Variants in INPP5K observed in about 807,000 individuals in gnomAD.
INPP5K encodes inositol polyphosphate-5-phosphatase K.
A neutral mutation model predicts 53.5 loss-of-function variants in INPP5K; 35 were observed. That is an observed-to-expected ratio of 0.65 (90% CI 0.50 to 0.87). The LOEUF is 0.87. Among genes scored for constraint, INPP5K ranks in the 40% least tolerant of loss-of-function variants. INPP5K has a pLI of 0.00. For synonymous variants in INPP5K, 253 were observed against 232.8 expected (o/e 1.09, Z -0.79); for missense variants, 550 against 586.2 (o/e 0.94, Z 0.64).
intron 1 of INPP5K, chr17:1,515,430 T>C (rs1162871471): frequency 1.0e-6 from 1 of 985,382 alleles, no homozygotes; most frequent in African/African-American, 1.7e-5. Context: ...GACCTACAGA[T>C]GTCTTTAGTG....
chr17:1,496,112 CAG>C lies in INPP5K; in HGVS notation c.1236_1237del (p.Cys413LeufsTer30), dbSNP rs745898635. Reference sequence around the variant, plus strand: ...AGAACGCAGACTGTTGCTGTAGTAACAGAGGAGAAACTCATCTTCAGTGGTAG... The same window carrying C: ...AGAACGCAGACTGTTGCTGTAGTAACAGGAGAAACTCATCTTCAGTGGTAG... On this transcript the variant is annotated frameshift_variant, in exon 11 of 12. Transcript: ENST00000421807. LOFTEE classifies it high-confidence loss of function. 2 of 1,613,692 alleles carry C rather than the reference CAG, an allele frequency of 1.2e-6. No individual in the cohort carries two copies. The highest frequency in any genetic ancestry group is 8.5e-7 in the Non-Finnish European group (1 of 1,179,612).
intron 7 of INPP5K, among the ~76,000 whole-genome samples, chr17:1,503,153 T>C (rs112040320): frequency 0.049 from 7,461 of 150,896 alleles, 230 homozygotes; most frequent in Non-Finnish European, 0.073. Context: ...CCCAAATTGC[T>C]GGGTTTAGAG....
intron 7 of INPP5K, among the ~76,000 whole-genome samples, chr17:1,502,059 C>T (rs2075030237): frequency 7.2e-6 from 1 of 138,868 alleles, no homozygotes; most frequent in Non-Finnish European, 1.6e-5. Flanking sequence ...AAAAAACAAA[C>T]AAACATAGGG....
chr17:1,498,567 C>A (rs938399341), intron 7 of INPP5K, among the ~76,000 whole-genome samples: 1 of 152,096 alleles, frequency 6.6e-6, no homozygotes, highest in African/African-American at 2.4e-5. Context: ...CCAGAGGATG[C>A]CTGTGATCAG....
intron 7 of INPP5K, among the ~76,000 whole-genome samples, chr17:1,503,948 C>T (rs767705865): frequency 5.9e-5 from 9 of 152,174 alleles, no homozygotes; most frequent in Admixed American, 1.3e-4. Context: ...AGGTTCCTCT[C>T]GTCAGTGTGC....
intron 7 of INPP5K, among the ~76,000 whole-genome samples, chr17:1,500,796 A>G (rs2074992107): frequency 6.6e-6 from 1 of 152,170 alleles, no homozygotes. Context: ...TATCCTCAGC[A>G]TTAGCACAGA....
chr17:1,508,601 C>T (rs1009487361), intron 5 of INPP5K: 5 of 301,266 alleles, frequency 1.7e-5, no homozygotes, highest in African/African-American at 1.1e-4. Context: ...AGGAAGGGGA[C>T]CCCAGGCAGG....
At chr17:1,510,953 G>GT (rs893513881) in intron 3 of INPP5K, among the ~76,000 whole-genome samples, 12 of 151,964 alleles carry the variant, frequency 7.9e-5, no homozygotes, top group Non-Finnish European at 1.8e-4. Flanking sequence ...GTGGCTGATG[G>GT]TAACATGGGT....
intron 7 of INPP5K, among the ~76,000 whole-genome samples, chr17:1,501,147 A>G (rs911756960): frequency 6.6e-6 from 1 of 151,828 alleles, no homozygotes; most frequent in Admixed American, 6.6e-5. Flanking sequence ...TTTAGTAGAG[A>G]CTGGGTTTCA....
At chr17:1,504,889 T>C (rs1049895436) in intron 7 of INPP5K, among the ~76,000 whole-genome samples, 59 of 152,294 alleles carry the variant, frequency 3.9e-4, no homozygotes, top group African/African-American at 1.1e-3. Flanking sequence ...TTGAGGAAAG[T>C]ACTGTGGGCT....
intron 9 of INPP5K, 40 bp downstream of exon 9, chr17:1,496,626 G>T: frequency 6.2e-7 from 1 of 1,611,140 alleles, no homozygotes; most frequent in Non-Finnish European, 8.5e-7. Context: ...ATGAACCAGG[G>T]GCTGTCGCTG....
At chr17:1,506,891 T>C (rs1453906816) in intron 7 of INPP5K, 89 bp downstream of exon 7, 14 of 799,350 alleles carry the variant, frequency 1.8e-5, no homozygotes, top group African/African-American at 6.9e-5. Flanking sequence ...CTGCCCCCCC[T>C]AACACTTCTA....
intron 1 of INPP5K, chr17:1,515,384 A>G (rs995127737): frequency 1.2e-5 from 12 of 976,228 alleles, no homozygotes; most frequent in South Asian, 4.7e-5. Flanking sequence ...AGGGGCCTCA[A>G]TGACACTGGA....
At chr17:1,505,843 GACC>G (rs1184334985) in intron 7 of INPP5K, among the ~76,000 whole-genome samples, 1 of 152,140 alleles carries the variant, frequency 6.6e-6, no homozygotes, top group Non-Finnish European at 1.5e-5. Flanking sequence ...CTGGAACAAA[GACC>G]CTCATGACAT....
intron 7 of INPP5K, among the ~76,000 whole-genome samples, chr17:1,503,394 C>T (rs545250936): frequency 1.3e-5 from 2 of 152,118 alleles, no homozygotes; most frequent in Admixed American, 6.5e-5. Flanking sequence ...CCGTGTTCAC[C>T]AGGATGGTCT....
intron 3 of INPP5K, among the ~76,000 whole-genome samples, chr17:1,512,931 T>C (rs534884749): frequency 1.3e-5 from 2 of 152,324 alleles, no homozygotes; most frequent in East Asian, 3.9e-4. Context: ...GTTATGAAGT[T>C]TGAGAGATCT....
chr17:1,497,589 G>A (rs2074888643), intron 8 of INPP5K, among the ~76,000 whole-genome samples: 1 of 152,196 alleles, frequency 6.6e-6, no homozygotes. Context: ...ACGCAGGGAT[G>A]GAGGGAGCGC....
chr17:1,510,239 C>T (rs886888796), intron 3 of INPP5K, among the ~76,000 whole-genome samples: 4 of 151,830 alleles, frequency 2.6e-5, no homozygotes, highest in Non-Finnish European at 4.4e-5. Context: ...TTTTTTGAGA[C>T]GGAGTCTCGC....
At chr17:1,504,103 T>C (rs2075099966) in intron 7 of INPP5K, among the ~76,000 whole-genome samples, 1 of 152,140 alleles carries the variant, frequency 6.6e-6, no homozygotes, top group Non-Finnish European at 1.5e-5. Context: ...CTGCACGGAG[T>C]TCTGGAAACC....
Sources: allele counts gnomAD v4.1 joint callset (sites outside exome capture counted in the v4.1 genomes callset), GRCh38; gene constraint gnomAD v4.1.1; transcripts MANE v1.5; gene names NCBI Gene and HGNC (gene_info 2026-07-23, HGNC 2026-07-21).